PGCKA1: variants seen among roughly 807,000 people sequenced by gnomAD.
PGCKA1 encodes the protein PDCD10 and GCKIII kinases associated 1.
chr4:37,584,260 C>T, the PGCKA1 span: 1 of 152,200 alleles, frequency 6.6e-6, no homozygotes, highest in South Asian at 2.1e-4. Context: ...AGAGCCTGTC[C>T]GTCTGATCTA....
At chr4:37,592,734 G>T in the PGCKA1 span, among the ~76,000 whole-genome samples, 36 of 151,676 alleles carry the variant, frequency 2.4e-4, no homozygotes, top group Non-Finnish European at 4.4e-4. Context: ...TTACCCATCT[G>T]TAAAGTGAGA....
At chr4:37,461,295 A>G in the PGCKA1 span, among the ~76,000 whole-genome samples, 1 of 151,932 alleles carries the variant, frequency 6.6e-6, no homozygotes, top group Non-Finnish European at 1.5e-5. Context: ...TCTTGGCTGT[A>G]TGGACTCTTT....
chr4:37,502,272 G>A, the PGCKA1 span, among the ~76,000 whole-genome samples: 2 of 152,244 alleles, frequency 1.3e-5, no homozygotes, highest in Admixed American at 6.5e-5. Context: ...AGGTGCAAGC[G>A]GGTGCCGGGG....
chr4:37,511,287 C>T, the PGCKA1 span, among the ~76,000 whole-genome samples: 12 of 152,090 alleles, frequency 7.9e-5, no homozygotes, highest in African/African-American at 2.4e-4. Flanking sequence ...TCCCCAAAGC[C>T]ACCACTGCTA....
chr4:37,494,743 C>G, the PGCKA1 span, among the ~76,000 whole-genome samples: 1 of 152,174 alleles, frequency 6.6e-6, no homozygotes, highest in South Asian at 2.1e-4. Context: ...CTCCTATCAA[C>G]AGTGTATAAG....
the PGCKA1 span, among the ~76,000 whole-genome samples, chr4:37,511,124 G>A: frequency 8.1e-4 from 124 of 152,166 alleles, 1 homozygote; most frequent in African/African-American, 2.8e-3. Flanking sequence ...CTATCCCAGG[G>A]CAGGTCCAAG....
chr4:37,565,293 C>T, the PGCKA1 span, among the ~76,000 whole-genome samples: 34 of 152,292 alleles, frequency 2.2e-4, no homozygotes, highest in South Asian at 2.1e-4. Flanking sequence ...GCTTCTCCCC[C>T]CAAAACCTTC....
At chr4:37,515,600 A>C in the PGCKA1 span, among the ~76,000 whole-genome samples, 2 of 152,218 alleles carry the variant, frequency 1.3e-5, no homozygotes, top group African/African-American at 4.8e-5. Context: ...ATATTCTGAT[A>C]TATTGTAGTC....
chr4:37,539,039 C>G, the PGCKA1 span, among the ~76,000 whole-genome samples: 6 of 152,132 alleles, frequency 3.9e-5, no homozygotes, highest in Admixed American at 1.3e-4. Flanking sequence ...ACATAGCACT[C>G]GCACCTGAAT....
the PGCKA1 span, among the ~76,000 whole-genome samples, chr4:37,529,765 A>G: frequency 6.6e-6 from 1 of 152,204 alleles, no homozygotes; most frequent in Non-Finnish European, 1.5e-5. Context: ...CCCTTCCCCA[A>G]CCTTGAGTTG....
the PGCKA1 span, among the ~76,000 whole-genome samples, chr4:37,532,554 C>G: frequency 4.4e-4 from 66 of 151,076 alleles, no homozygotes; most frequent in African/African-American, 1.5e-3. Flanking sequence ...GGTACACATC[C>G]TTTATTTACA....
At chr4:37,468,809 A>C in the PGCKA1 span, among the ~76,000 whole-genome samples, 1 of 152,248 alleles carries the variant, frequency 6.6e-6, no homozygotes, top group East Asian at 1.9e-4. Context: ...TTTCTTTTCC[A>C]ATAGTTAATT....
chr4:37,590,195 G>A, the PGCKA1 span: 1 of 1,614,242 alleles, frequency 6.2e-7, no homozygotes. Flanking sequence ...AAATGGAGCA[G>A]TGAAGTCTTG....
At chr4:37,480,317 A>G in the PGCKA1 span, among the ~76,000 whole-genome samples, 1 of 152,134 alleles carries the variant, frequency 6.6e-6, no homozygotes, top group African/African-American at 2.4e-5. Context: ...ACATAGTGAA[A>G]CCTCGTCTCT....
chr4:37,569,771 C>T, the PGCKA1 span, among the ~76,000 whole-genome samples: 1 of 152,094 alleles, frequency 6.6e-6, no homozygotes, highest in Non-Finnish European at 1.5e-5. Context: ...CCATGAATTT[C>T]TTCATCTTTA....
At chr4:37,534,377 C>G in the PGCKA1 span, among the ~76,000 whole-genome samples, 1 of 152,128 alleles carries the variant, frequency 6.6e-6, no homozygotes, top group Non-Finnish European at 1.5e-5. Flanking sequence ...TAAAGCCACG[C>G]CTTGGACTCT....
At chr4:37,571,213 C>CTA in the PGCKA1 span, among the ~76,000 whole-genome samples, 1 of 152,048 alleles carries the variant, frequency 6.6e-6, no homozygotes, top group Non-Finnish European at 1.5e-5. Context: ...GGAACCATAC[C>CTA]CTTTATTTGC....
chr4:37,468,943 C>G, the PGCKA1 span, among the ~76,000 whole-genome samples: 1 of 152,064 alleles, frequency 6.6e-6, no homozygotes, highest in African/African-American at 2.4e-5. Context: ...TTGTATTAAA[C>G]TAGGATTTTG....
At chr4:37,557,587 ATTTTATCCCCAGAGGG>A in the PGCKA1 span, among the ~76,000 whole-genome samples, 1 of 152,102 alleles carries the variant, frequency 6.6e-6, no homozygotes, top group South Asian at 2.1e-4. Context: ...AATGGCACTG[ATTTTATCCCCAGAGGG>A]TCCTGCCTCC....
Sources: allele counts gnomAD v4.1 joint callset (sites outside exome capture counted in the v4.1 genomes callset), GRCh38; gene constraint gnomAD v4.1.1; transcripts MANE v1.5; gene names NCBI Gene and HGNC (gene_info 2026-07-23, HGNC 2026-07-21).